Variants in CNTNAP2 observed in about 807,000 individuals in gnomAD.
The protein encoded by CNTNAP2 is contactin-associated protein-like 2.
CNTNAP2 carries 98 observed loss-of-function variants against 155.2 expected under a neutral mutation model. The ratio of observed to expected loss-of-function variants is 0.63; its 90% confidence interval spans 0.54 to 0.75. CNTNAP2 has a LOEUF of 0.75. Among genes scored for constraint, CNTNAP2 ranks in the 30% least tolerant of loss-of-function variants. CNTNAP2 has a pLI of 0.00. For missense variants in CNTNAP2, 1,727 were observed against 1,688.1 expected (o/e 1.02, Z -0.40); for synonymous variants, 651 against 631.2 (o/e 1.03, Z -0.47).
chr7:146,523,846 T>C (rs1043499686), intron 1 of CNTNAP2, among the ~76,000 whole-genome samples: 7 of 152,174 alleles, frequency 4.6e-5, no homozygotes, highest in Admixed American at 6.6e-5. Flanking sequence ...ACCAGTCTAA[T>C]TGATTTCATA....
intron 1 of CNTNAP2, among the ~76,000 whole-genome samples, chr7:146,565,422 T>C (rs1798342864): frequency 6.6e-6 from 1 of 151,814 alleles, no homozygotes; most frequent in African/African-American, 2.4e-5. Flanking sequence ...CAGATCCCTT[T>C]CCAGGGATCC....
intron 21 of CNTNAP2, among the ~76,000 whole-genome samples, chr7:148,355,918 G>A (rs749833849): frequency 8.5e-5 from 13 of 152,298 alleles, no homozygotes; most frequent in African/African-American, 1.7e-4. Flanking sequence ...CCAGCGCTGC[G>A]TATTGGTAGC....
rs541238840 is a variant in CNTNAP2 at position 147,786,166 on chromosome 7, G to A, written c.2099-117399G>A. ...TTAGCTGGCGCATGCCCAGCTACTC[G>A]GGAGGCTGAGGCAGAAGAATCACTT... On this transcript the variant is annotated intron_variant, in intron 13 of 23. Coordinates refer to ENST00000361727, the MANE Select transcript of CNTNAP2 (RefSeq NM_014141.6). Among the ~76,000 whole-genome samples, 20 of 152,270 alleles carry A rather than the reference G, an allele frequency of 1.3e-4. 1 individual carries two copies. In the South Asian group the frequency reaches 2.5e-3, roughly 19 times the overall value.
At chr7:146,191,265 A>T (rs13238577) in intron 1 of CNTNAP2, among the ~76,000 whole-genome samples, 44,083 of 151,900 alleles carry the variant, frequency 0.29, 7,266 homozygotes, top group African/African-American at 0.45. Context: ...AGGTTCTGTG[A>T]TGCCCCCTGA....
At chr7:147,155,241 C>A (rs1801899978) in intron 8 of CNTNAP2, among the ~76,000 whole-genome samples, 1 of 152,148 alleles carries the variant, frequency 6.6e-6, no homozygotes, top group Non-Finnish European at 1.5e-5. Flanking sequence ...TGTGAGGACA[C>A]AGTGAGAAGA....
chr7:147,583,275 C>G (rs904805604), intron 12 of CNTNAP2, among the ~76,000 whole-genome samples: 1 of 151,910 alleles, frequency 6.6e-6, no homozygotes, highest in Non-Finnish European at 1.5e-5. Flanking sequence ...GGCTTAGAAT[C>G]AGCATGAAAG....
At chr7:146,218,944 G>A (rs1209880839) in intron 1 of CNTNAP2, among the ~76,000 whole-genome samples, 3 of 152,140 alleles carry the variant, frequency 2.0e-5, no homozygotes, top group Admixed American at 1.3e-4. Flanking sequence ...CCATTTTCAC[G>A]CATTATAAAG....
chr7:146,574,991 C>T (rs1798501518), intron 1 of CNTNAP2, among the ~76,000 whole-genome samples: 1 of 152,188 alleles, frequency 6.6e-6, no homozygotes, highest in Non-Finnish European at 1.5e-5. Flanking sequence ...CTCTTGTTTC[C>T]CCTCATACAT....
At chr7:146,288,239 A>G (rs1305992957) in intron 1 of CNTNAP2, among the ~76,000 whole-genome samples, 2 of 150,580 alleles carry the variant, frequency 1.3e-5, no homozygotes, top group Non-Finnish European at 2.9e-5. Context: ...CCGAGGCTAC[A>G]GTGAGCTGTG....
chr7:146,899,299 G>A (rs891150595), intron 3 of CNTNAP2, among the ~76,000 whole-genome samples: 1 of 152,058 alleles, frequency 6.6e-6, no homozygotes, highest in African/African-American at 2.4e-5. Context: ...TTCTTACCCA[G>A]TTGCCAACAA....
intron 1 of CNTNAP2, among the ~76,000 whole-genome samples, chr7:146,440,596 A>C (rs2129119322): frequency 6.6e-6 from 1 of 151,690 alleles, no homozygotes; most frequent in South Asian, 2.1e-4. Flanking sequence ...ATTTTTAAAA[A>C]AATCAGACTC....
chr7:148,206,091 A>C (rs1795445023), intron 18 of CNTNAP2, among the ~76,000 whole-genome samples: 1 of 151,602 alleles, frequency 6.6e-6, no homozygotes, highest in Admixed American at 6.6e-5. Context: ...GTGTGTATAC[A>C]AATATTCATG....
At chr7:148,065,319 A>T (rs1379039676) in intron 15 of CNTNAP2, among the ~76,000 whole-genome samples, 1 of 152,018 alleles carries the variant, frequency 6.6e-6, no homozygotes, top group Non-Finnish European at 1.5e-5. Context: ...TTGTTCTAGG[A>T]TATAGTTTAA....
chr7:147,054,260 A>G (rs746671991), intron 4 of CNTNAP2, among the ~76,000 whole-genome samples: 1 of 152,186 alleles, frequency 6.6e-6, no homozygotes, highest in Non-Finnish European at 1.5e-5. Context: ...TCTCACTAGT[A>G]CTGTGCATTC....
At chr7:147,165,000 A>G (rs1563099368) in intron 8 of CNTNAP2, among the ~76,000 whole-genome samples, 1 of 152,220 alleles carries the variant, frequency 6.6e-6, no homozygotes, top group East Asian at 1.9e-4. Flanking sequence ...TAAGACAATT[A>G]CTTGACTTAG....
intron 13 of CNTNAP2, among the ~76,000 whole-genome samples, chr7:147,893,514 T>G (rs1799726789): frequency 6.6e-6 from 1 of 152,186 alleles, no homozygotes; most frequent in Admixed American, 6.6e-5. Flanking sequence ...CCTACCACTG[T>G]CCTTTTCCCA....
intron 9 of CNTNAP2, among the ~76,000 whole-genome samples, chr7:147,351,293 A>G (rs1190522695): frequency 1.3e-5 from 2 of 151,784 alleles, no homozygotes; most frequent in Non-Finnish European, 3.0e-5. Context: ...ATAAATTTGT[A>G]TATATTATAC....
intron 1 of CNTNAP2, among the ~76,000 whole-genome samples, chr7:146,478,509 C>A (rs1796912593): frequency 6.6e-6 from 1 of 151,874 alleles, no homozygotes; most frequent in Non-Finnish European, 1.5e-5. Context: ...TAGGTATTAA[C>A]CCCACATGTG....
At chr7:147,889,508 A>G (rs1799652213) in intron 13 of CNTNAP2, among the ~76,000 whole-genome samples, 1 of 152,184 alleles carries the variant, frequency 6.6e-6, no homozygotes, top group Non-Finnish European at 1.5e-5. Flanking sequence ...AAGAGAAAAA[A>G]AAATTACAAT....
Sources: allele counts gnomAD v4.1 joint callset (sites outside exome capture counted in the v4.1 genomes callset), GRCh38; gene constraint gnomAD v4.1.1; transcripts MANE v1.5; gene names NCBI Gene and HGNC (gene_info 2026-07-23, HGNC 2026-07-21).